The following PCDHGA10 variants were observed in gnomAD, a reference collection of about 807,000 sequenced individuals.
PCDHGA10 encodes protocadherin gamma-A10.
Under a neutral mutation model 59.5 loss-of-function variants are expected in PCDHGA10, and 42 were observed. The ratio of observed to expected loss-of-function variants is 0.71; its 90% CI spans 0.55 to 0.91. PCDHGA10 has a LOEUF of 0.91. Ranked by LOEUF, PCDHGA10 falls within the 40% of genes least tolerant of loss-of-function variation. PCDHGA10 has a pLI of 0.00. For synonymous variants in PCDHGA10, 511 were observed against 517.2 expected, an observed-to-expected ratio of 0.99 and a Z score of 0.16; for missense variants, 1,111 against 1,198.2, an observed-to-expected ratio of 0.93 and a Z score of 1.07.
chr5:141,443,478 C>T (rs2098390426), intron 1 of PCDHGA10, among the ~76,000 whole-genome samples: 1 of 152,052 alleles, frequency 6.6e-6, no homozygotes, highest in East Asian at 1.9e-4. Context: ...AGAATTAGAC[C>T]CTGTCCCAAA....
At position 141,486,609 on chromosome 5, in the gene PCDHGA10, C is replaced by T; in HGVS notation, c.2437-8198C>T. The T allele has an allele frequency of 6.2e-7, 1 of 1,613,568 alleles. No homozygotes were observed. ...GGGGACCTGCTTTGCTCCCTTGCAG[C>T]CTCTGACCCAGACTCTGGCTTGAAT... On this transcript the variant is annotated intron_variant, in intron 1 of 3. Transcript: ENST00000398610. The surrounding 1 kb of genome is among the most constrained non-coding windows in gnomAD (Gnocchi z 5.0).
intron 3 of PCDHGA10, among the ~76,000 whole-genome samples, chr5:141,506,943 T>A (rs2099857373): frequency 6.6e-6 from 1 of 152,192 alleles, no homozygotes; most frequent in South Asian, 2.1e-4. Context: ...GGGCCTCCTG[T>A]CAATGAATCC....
chr5:141,495,028 G>C, intron 2 of PCDHGA10, 163 bp downstream of exon 2: 3 of 966,196 alleles, frequency 3.1e-6, no homozygotes, highest in Non-Finnish European at 3.7e-6. Flanking sequence ...CACAGACCCC[G>C]GAAGGAAGAG....
chr5:141,511,560 T>C lies in PCDHGA10; in HGVS notation c.*387T>C. ...CCACCCCACTCCAACAGTTCCTCTT[T>C]CCCGAGTAAGGTGGTTGGGGTGTTG... On this transcript the variant is annotated 3_prime_UTR_variant, in exon 4 of 4. Coordinates refer to ENST00000398610, the MANE Select transcript of PCDHGA10 (RefSeq NM_018913.3). The C allele has an allele frequency of 3.3e-6, 1 of 298,990 alleles. No homozygotes were observed. The highest frequency in any genetic ancestry group is 3.7e-5 in the South Asian group (1 of 27,250). The allele number at this position is 298,990 out of a possible 1,614,324, so 18.5% of individuals were successfully genotyped here.
rs1348297963 is a variant in PCDHGA10, at chr5:141,487,103, G to A, written c.2437-7704G>A. 6.2e-7 allele frequency: 1 copy of A among 1,614,124 alleles called. No individual in the cohort carries two copies. Among genetic ancestry groups the A allele is most frequent in the Non-Finnish European group, 8.5e-7 (1 of 1,180,000 alleles). On this transcript the variant is annotated intron_variant, in intron 1 of 3. Coordinates refer to ENST00000398610, the MANE Select transcript of PCDHGA10 (RefSeq NM_018913.3). The surrounding 1 kb of genome is among the most constrained non-coding windows in gnomAD (Gnocchi z 5.0). ...AGCTGACCTCCCACCACAGAAGCTG[G>A]TCATTGTGGTAAAGGATAGTGGTAG...
At chr5:141,423,666 A>G in intron 1 of PCDHGA10, 1 of 1,494,380 alleles carries the variant, frequency 6.7e-7, no homozygotes, top group Non-Finnish European at 8.9e-7. Context: ...ATCAGGTGAG[A>G]TTTATTTCTC....
chr5:141,481,835 C>T (rs892868552), intron 1 of PCDHGA10, among the ~76,000 whole-genome samples: 5 of 149,932 alleles, frequency 3.3e-5, no homozygotes, highest in Non-Finnish European at 7.4e-5. Flanking sequence ...GCAGGAGAAT[C>T]GCTTGATGGT....
rs750216656 is a variant in PCDHGA10 at position 141,422,121 on chromosome 5, A to G, written c.2436+6510A>G. 4.4e-6 allele frequency: 7 copies of G among 1,602,838 alleles called. No individual in the cohort carries two copies. In the Admixed American group the frequency reaches 8.8e-5, roughly 20 times the overall value. On this transcript the variant is annotated intron_variant, in intron 1 of 3. Coordinates refer to ENST00000398610, the MANE Select transcript of PCDHGA10 (RefSeq NM_018913.3). ...CTGAAATATTCCAATTGGATTCACA[A>G]ACTGGAGAAGTTCAAGTACGGGGGT...
intron 1 of PCDHGA10, chr5:141,427,507 T>A: frequency 1.7e-6 from 1 of 584,928 alleles, no homozygotes; most frequent in Non-Finnish European, 3.2e-6. Context: ...GATGGGACCC[T>A]GGATTGGGAG....
intron 1 of PCDHGA10, among the ~76,000 whole-genome samples, chr5:141,481,245 T>C (rs1362728826): frequency 6.6e-6 from 1 of 152,194 alleles, no homozygotes; most frequent in East Asian, 1.9e-4. Context: ...TTACATAGCA[T>C]AGCTCTAAAA....
rs766638463 is a variant in PCDHGA10 at position 141,476,525 on chromosome 5, A to G, written c.2437-18282A>G. ...CAACGACAACAATCCTGCTTTCCCT[A>G]CCCAGGAAATGAAATTGGAGATTAG... On this transcript the variant is annotated intron_variant, in intron 1 of 3. Transcript: ENST00000398610. This position sits in a 1 kb window ranked among gnomAD's most constrained non-coding sequence, Gnocchi z 7.6. 6 of 1,613,950 alleles carry G rather than the reference A, an allele frequency of 3.7e-6. No homozygotes were observed. The African/African-American group carries it at 6.7e-5, about 18-fold the overall frequency.
In PCDHGA10 at chr5:141,475,977, A is replaced by G. The variant is rs369460464; in HGVS notation, c.2437-18830A>G. The stretch of plus-strand genomic sequence containing the variant: ...CCCCGGGATGAGGCAGAGACTGAAC[A>G]GCCGGCGAGCAAATCAACGGCATCC... On this transcript the variant is annotated intron_variant, in intron 1 of 3. Transcript: ENST00000398610. The G allele has an allele frequency of 2.2e-5, 21 of 972,826 alleles. No individual in the cohort carries two copies. The South Asian group carries it at 2.8e-4, about 13-fold the overall frequency. 60.3% of individuals were successfully genotyped at this position (972,826 alleles called of 1,614,324 possible).
At chr5:141,509,570 G>A (rs2099877371) in intron 3 of PCDHGA10, among the ~76,000 whole-genome samples, 1 of 152,232 alleles carries the variant, frequency 6.6e-6, no homozygotes, top group South Asian at 2.1e-4. Flanking sequence ...AGCCTTCACA[G>A]TGCGTACAAA....
At chr5:141,428,055 G>T in intron 1 of PCDHGA10, 1 of 1,609,070 alleles carries the variant, frequency 6.2e-7, no homozygotes, top group Non-Finnish European at 8.5e-7. Context: ...CAAGGTGGTG[G>T]CGGTGGACGC....
At chr5:141,422,959 C>A in intron 1 of PCDHGA10, 1 of 1,614,234 alleles carries the variant, frequency 6.2e-7, no homozygotes, top group South Asian at 1.1e-5. Context: ...TGGCGTGGAG[C>A]TGGCGCCCCG....
chr5:141,443,317 CA>C (rs35054295), intron 1 of PCDHGA10, among the ~76,000 whole-genome samples: 28 of 142,048 alleles, frequency 2.0e-4, no homozygotes, highest in Non-Finnish European at 2.6e-4. Flanking sequence ...CCCATCTCTA[CA>C]AAAAAAAAAA....
chr5:141,419,671 G>T (rs532058652), intron 1 of PCDHGA10: 1 of 1,612,894 alleles, frequency 6.2e-7, no homozygotes, highest in East Asian at 2.2e-5. Context: ...ATGCCTGGCT[G>T]TCCTACCACG....
chr5:141,482,016 C>T (rs2099550411), intron 1 of PCDHGA10, among the ~76,000 whole-genome samples: 1 of 148,596 alleles, frequency 6.7e-6, no homozygotes, highest in African/African-American at 2.5e-5. Context: ...TCTCAGGAAG[C>T]AGAGGTTGCA....
chr5:141,485,734 C>T lies in PCDHGA10; in HGVS notation c.2437-9073C>T. ...CACTGGATGTGAAGAAGCGCAGCGACGGCAGCCTGGTCCCAGAGCTGCTCC... is the reference window on the plus strand; with the variant it reads ...CACTGGATGTGAAGAAGCGCAGCGATGGCAGCCTGGTCCCAGAGCTGCTCC... On this transcript the variant is annotated intron_variant, in intron 1 of 3. Transcript: ENST00000398610. This position sits in a 1 kb window ranked among gnomAD's most constrained non-coding sequence, Gnocchi z 5.7. The T allele has an allele frequency of 6.2e-7, 1 of 1,614,210 alleles. No individual in the cohort carries two copies. The highest frequency in any genetic ancestry group is 8.5e-7 in the Non-Finnish European group (1 of 1,180,028).
Sources: gnomAD v4.1 joint callset for allele counts (sites outside exome capture counted in the v4.1 genomes callset) on GRCh38, gnomAD v4.1.1 for gene constraint, Gnocchi (gnomAD v3.1) non-coding constraint, MANE v1.5 for transcripts, NCBI Gene and HGNC (gene_info 2026-07-23, HGNC 2026-07-21) for gene names.